The following KAZN variants were observed in gnomAD, a reference collection of about 807,000 sequenced individuals.
KAZN encodes kazrin, periplakin interacting protein, also known as kazrin.
Under a neutral mutation model 87.4 loss-of-function variants are expected in KAZN, and 40 were observed. The ratio of observed to expected loss-of-function variants is 0.46; its 90% CI spans 0.36 to 0.60. The LOEUF is 0.60. Among genes scored for constraint, KAZN ranks in the 20% least tolerant of loss-of-function variants. The pLI is 0.00. For synonymous variants in KAZN, 466 were observed against 458.3 expected, an observed-to-expected ratio of 1.02 and a Z score of -0.22; for missense variants, 898 against 1,073.9, an observed-to-expected ratio of 0.84 and a Z score of 2.29.
chr1:14,863,055 G>C (rs1427855278), intron 1 of KAZN, among the ~76,000 whole-genome samples: 3 of 124,368 alleles, frequency 2.4e-5, no homozygotes, highest in Non-Finnish European at 5.0e-5. Context: ...TATTTCACAG[G>C]ATGAGACGCT....
At chr1:15,070,711 C>T (rs116042386) in intron 8 of KAZN, among the ~76,000 whole-genome samples, 1 of 152,334 alleles carries the variant, frequency 6.6e-6, no homozygotes, top group African/African-American at 2.4e-5. Context: ...TGTGGTGGCA[C>T]ACGCCTGTAG....
chr1:13,938,562 C>G (rs1009560323), intron 1 of KAZN, among the ~76,000 whole-genome samples: 4 of 152,262 alleles, frequency 2.6e-5, no homozygotes, highest in Middle Eastern at 6.8e-3. Context: ...GCTTCCAGTT[C>G]AAATCCTTGG....
At chr1:14,442,679 A>C (rs1666768268) in intron 2 of KAZN, among the ~76,000 whole-genome samples, 1 of 152,226 alleles carries the variant, frequency 6.6e-6, no homozygotes, top group Non-Finnish European at 1.5e-5. Flanking sequence ...TTTTGTGCCT[A>C]AGAGGAAAGA....
In KAZN at chr1:14,893,948, C is replaced by T. The variant is rs563914824; in HGVS notation, c.227-66736C>T. ...AAATATTGATGTGGCAGCCGGAGCC[C>T]GGCTCCAGACCCAGCTACAAAGGGA... is the stretch of plus-strand genomic sequence containing the variant. On this transcript the variant is annotated intron_variant, in intron 1 of 14. Coordinates refer to ENST00000376030, the MANE Select transcript of KAZN (RefSeq NM_201628.3). Among the ~76,000 whole-genome samples, 7 of 152,142 alleles carry T rather than the reference C, an allele frequency of 4.6e-5. 1 individual carries two copies. The highest frequency in any genetic ancestry group is 1.7e-4 in the African/African-American group (7 of 41,504).
At chr1:14,740,148 C>G (rs1644043452) in intron 1 of KAZN, among the ~76,000 whole-genome samples, 1 of 152,096 alleles carries the variant, frequency 6.6e-6, no homozygotes, top group Non-Finnish European at 1.5e-5. Flanking sequence ...CCTGCAGCCC[C>G]TAGGAGGCAA....
chr1:15,104,957 TATTG>T (rs1229981173), intron 13 of KAZN, among the ~76,000 whole-genome samples: 1 of 152,372 alleles, frequency 6.6e-6, no homozygotes, highest in African/African-American at 2.4e-5. Flanking sequence ...TGGTGTATTA[TATTG>T]ATTGATTGAA....
intron 2 of KAZN, among the ~76,000 whole-genome samples, chr1:15,001,381 A>C (rs7529272): frequency 6.6e-6 from 1 of 151,270 alleles, no homozygotes; most frequent in Admixed American, 6.6e-5. Context: ...CACGAGAATC[A>C]CTTGAACCCA....
chr1:14,573,199 C>G (rs1421217825), intron 2 of KAZN, among the ~76,000 whole-genome samples: 1 of 152,172 alleles, frequency 6.6e-6, no homozygotes, highest in South Asian at 2.1e-4. Flanking sequence ...CCTTTAAGCC[C>G]CATGTGTATT....
rs137901770 is a variant in KAZN at position 14,948,322 on chromosome 1, C to T, written c.227-12362C>T. 5.7e-3 allele frequency among the ~76,000 whole-genome samples: 867 copies of T among 152,284 alleles called. 4 individuals carry two copies. The highest frequency in any genetic ancestry group is 0.013 in the South Asian group (62 of 4,824). On this transcript the variant is annotated intron_variant, in intron 1 of 14. Transcript: ENST00000376030. The stretch of plus-strand genomic sequence containing the variant: ...TATTCGGATATTATCTGAATCCTGT[C>T]CTGGTCTCATTGGCTCCTCCCCTCC...
At chr1:14,483,800 C>T (rs755785282) in intron 2 of KAZN, among the ~76,000 whole-genome samples, 1 of 152,084 alleles carries the variant, frequency 6.6e-6, no homozygotes, top group Non-Finnish European at 1.5e-5. Flanking sequence ...CTTTTGTTGC[C>T]CCTATTTTTG....
chr1:14,335,082 C>T (rs573649564), intron 2 of KAZN, among the ~76,000 whole-genome samples: 19 of 148,202 alleles, frequency 1.3e-4, no homozygotes, highest in African/African-American at 4.0e-4. Flanking sequence ...GCCATGGGGG[C>T]GGATCCCTCA....
intron 1 of KAZN, among the ~76,000 whole-genome samples, chr1:14,931,923 G>A (rs534680431): frequency 8.5e-5 from 13 of 152,182 alleles, no homozygotes; most frequent in African/African-American, 3.1e-4. Context: ...ACCCCTGTCC[G>A]GGCACGCGTG....
chr1:14,180,087 A>C (rs1231581032), intron 1 of KAZN, among the ~76,000 whole-genome samples: 1 of 152,126 alleles, frequency 6.6e-6, no homozygotes, highest in African/African-American at 2.4e-5. Flanking sequence ...GTTTATAAAC[A>C]CTTACCACAA....
At chr1:14,954,823 G>A (rs919019751) in intron 1 of KAZN, among the ~76,000 whole-genome samples, 1 of 152,164 alleles carries the variant, frequency 6.6e-6, no homozygotes, top group Non-Finnish European at 1.5e-5. Context: ...GGGCGTGGTG[G>A]CAGGCGCCTG....
At chr1:14,947,577 A>C (rs1661978761) in intron 1 of KAZN, among the ~76,000 whole-genome samples, 1 of 152,388 alleles carries the variant, frequency 6.6e-6, no homozygotes, top group Admixed American at 6.5e-5. Context: ...CATGAGACTT[A>C]GGGCTGGGAG....
chr1:13,978,694 T>A lies in KAZN; in HGVS notation c.91+84938T>A, dbSNP rs184382096. 3.3e-3 allele frequency among the ~76,000 whole-genome samples: 495 copies of A among 152,044 alleles called. 6 individuals carry two copies. Among genetic ancestry groups the A allele is most frequent in the East Asian group, 0.022 (114 of 5,182 alleles). On this transcript the variant is annotated intron_variant, in intron 1 of 16. Transcript: ENST00000636203. ...TTTAGAAAAATCAGAATTTTTTTTT[T>A]AAAAGTGAAGTGGGAAAATGTTGAA...
chr1:14,369,404 C>T (rs957512998), intron 2 of KAZN, among the ~76,000 whole-genome samples: 5 of 152,184 alleles, frequency 3.3e-5, no homozygotes, highest in Non-Finnish European at 5.9e-5. Context: ...GCAGCCTCCA[C>T]GAGAAATCTG....
At chr1:14,418,988 C>T (rs1665099767) in intron 2 of KAZN, among the ~76,000 whole-genome samples, 1 of 152,202 alleles carries the variant, frequency 6.6e-6, no homozygotes, top group Non-Finnish European at 1.5e-5. Flanking sequence ...AACTTCTAGC[C>T]TGCCATTCGG....
chr1:14,557,289 A>G (rs1047243853), intron 2 of KAZN, among the ~76,000 whole-genome samples: 5 of 152,192 alleles, frequency 3.3e-5, no homozygotes, highest in African/African-American at 1.2e-4. Context: ...ACCTTTGTGC[A>G]TTCATTAAAT....
Sources: allele counts gnomAD v4.1 joint callset (sites outside exome capture counted in the v4.1 genomes callset), GRCh38; gene constraint gnomAD v4.1.1; transcripts MANE v1.5; gene names NCBI Gene and HGNC (gene_info 2026-07-23, HGNC 2026-07-21).